Variants in BCAS3 observed in about 807,000 individuals in gnomAD.
BCAS3 encodes BCAS4/BCAS3 fusion.
In BCAS3, 53 loss-of-function variants were observed where a neutral mutation model predicts 116.1. That is an observed-to-expected ratio of 0.46 (90% CI 0.37 to 0.57). The LOEUF is 0.57. BCAS3 is among the 20% of genes least tolerant of loss of function. BCAS3 has a pLI of 0.00. For missense variants in BCAS3, 917 were observed against 1,165.4 expected (o/e 0.79, Z 3.10); for synonymous variants, 391 against 408.2 (o/e 0.96, Z 0.51).
At position 61,073,105 on chromosome 17, in the gene BCAS3, A is replaced by G. The variant is rs1186932447; in HGVS notation, c.2030-1815A>G. ...TCATTACTTATCAGCCTTTCAATGT[A>G]TATCAATTATTTCCAAAAGAATGCT... On this transcript the variant is annotated intron_variant, in intron 19 of 23. Coordinates refer to ENST00000407086, the MANE Select transcript of BCAS3 (RefSeq NM_017679.5). The surrounding 1 kb of genome is among the most constrained non-coding windows in gnomAD (Gnocchi z 4.6). 6.6e-6 allele frequency among the ~76,000 whole-genome samples: 1 copy of G among 152,202 alleles called. No individual in the cohort carries two copies. Among genetic ancestry groups the G allele is most frequent in the African/African-American group, 2.4e-5 (1 of 41,454 alleles).
intron 5 of BCAS3, among the ~76,000 whole-genome samples, chr17:60,729,791 T>G (rs945893718): frequency 6.6e-6 from 1 of 152,230 alleles, no homozygotes; most frequent in Non-Finnish European, 1.5e-5. Flanking sequence ...CACTTTTCAA[T>G]TGAACACCTA....
At chr17:60,772,365 G>T (rs9913668) in intron 6 of BCAS3, among the ~76,000 whole-genome samples, 41,107 of 151,290 alleles carry the variant, frequency 0.27, 11,202 homozygotes, top group African/African-American at 0.71. Flanking sequence ...TTTTGAGAAG[G>T]GTCTGTTCAT....
chr17:60,747,421 A>G (rs776340296), intron 6 of BCAS3, 142 bp downstream of exon 6: 32 of 630,474 alleles, frequency 5.1e-5, no homozygotes, highest in Admixed American at 7.8e-5. Context: ...CCAAAGATAA[A>G]CTTAGTTCTG....
chr17:61,218,805 G>C lies in BCAS3; in HGVS notation c.2425+134241G>C, dbSNP rs143039683. 2.6e-5 allele frequency among the ~76,000 whole-genome samples: 4 copies of C among 152,292 alleles called. No homozygotes were observed. In the East Asian group the frequency reaches 7.7e-4, roughly 29 times the overall value. ...ATTTGCCTAGGTCCCAGCTTTACTT[G>C]TACCAGTTTAATTATCATTGCCGCT... On this transcript the variant is annotated intron_variant, in intron 22 of 23. Coordinates refer to ENST00000407086, the MANE Select transcript of BCAS3 (RefSeq NM_017679.5).
Position 60,820,151 on chromosome 17 carries a change from A to G in BCAS3, c.476+12075A>G, listed in dbSNP as rs532381448. 3.3e-4 allele frequency among the ~76,000 whole-genome samples: 50 copies of G among 151,724 alleles called. No individual in the cohort carries two copies. The East Asian group carries it at 8.9e-3, about 27-fold the overall frequency. On this transcript the variant is annotated intron_variant, in intron 7 of 23. Coordinates refer to ENST00000407086, the MANE Select transcript of BCAS3 (RefSeq NM_017679.5). The stretch of plus-strand genomic sequence containing the variant: ...AGTCGCACGATCTTGGCTCACTGCA[A>G]GCTCTGCCTCCCGGGTTCATGCCAT...
rs1420103020 is a variant in BCAS3 at position 61,139,518 on chromosome 17, C to T, written c.2425+54954C>T. On this transcript the variant is annotated intron_variant, in intron 22 of 23. Coordinates refer to ENST00000407086, the MANE Select transcript of BCAS3 (RefSeq NM_017679.5). This position sits in a 1 kb window ranked among gnomAD's most constrained non-coding sequence, Gnocchi z 4.7. ...TGCGGGCTTTGTTTATAGCAGAAGC[C>T]ATAATGTATAATGTTCAGGAGTGGG... 3.3e-5 allele frequency among the ~76,000 whole-genome samples: 5 copies of T among 152,146 alleles called. No homozygotes were observed. The highest frequency in any genetic ancestry group is 2.1e-4 in the South Asian group (1 of 4,824).
Position 61,181,173 on chromosome 17 carries a change from T to G in BCAS3, c.2425+96609T>G, listed in dbSNP as rs2079459142. ...AACTCGAGGCTGCATTGAGCTGTAA[T>G]AGCACCACTGCACTCCATCCTGGGC... On this transcript the variant is annotated intron_variant, in intron 22 of 23. Transcript: ENST00000407086. This position sits in a 1 kb window ranked among gnomAD's most constrained non-coding sequence, Gnocchi z 5.0. 6.6e-6 allele frequency among the ~76,000 whole-genome samples: 1 copy of G among 152,162 alleles called. No individual in the cohort carries two copies. The highest frequency in any genetic ancestry group is 1.5e-5 in the Non-Finnish European group (1 of 68,018).
chr17:60,831,576 T>C lies in BCAS3; in HGVS notation c.476+23500T>C, dbSNP rs954138492. Among the ~76,000 whole-genome samples, 6 of 152,238 alleles carry C rather than the reference T, an allele frequency of 3.9e-5. No homozygotes were observed. In the East Asian group the frequency reaches 1.2e-3, roughly 29 times the overall value. ...TCATTTATATAATTTTATTAACATC[T>C]TGTTTACCAAACACAGTATACAACG... On this transcript the variant is annotated intron_variant, in intron 7 of 23. Transcript: ENST00000407086.
rs998706845 is a variant in BCAS3 at position 61,097,858 on chromosome 17, C to T, written c.2425+13294C>T. Among the ~76,000 whole-genome samples, 1 of 152,222 alleles carries T rather than the reference C, an allele frequency of 6.6e-6. No homozygotes were observed. Among genetic ancestry groups the T allele is most frequent in the African/African-American group, 2.4e-5 (1 of 41,462 alleles). Reference sequence around the variant, plus strand: ...ACCTCAGATAAGTCTAAACCTCTTTCTACCCTGCCTAATCAAATATTCATT... The same window carrying T: ...ACCTCAGATAAGTCTAAACCTCTTTTTACCCTGCCTAATCAAATATTCATT... On this transcript the variant is annotated intron_variant, in intron 22 of 23. Transcript: ENST00000407086. This position sits in a 1 kb window ranked among gnomAD's most constrained non-coding sequence, Gnocchi z 4.0.
At chr17:61,247,755 G>A (rs1170359753) in intron 22 of BCAS3, among the ~76,000 whole-genome samples, 1 of 152,154 alleles carries the variant, frequency 6.6e-6, no homozygotes, top group Non-Finnish European at 1.5e-5. Flanking sequence ...AGTGGCTGGA[G>A]ATCTTAGCCC....
At chr17:61,295,424 C>A (rs570594609) in intron 22 of BCAS3, among the ~76,000 whole-genome samples, 2 of 152,140 alleles carry the variant, frequency 1.3e-5, no homozygotes, top group Admixed American at 6.5e-5. Flanking sequence ...AAATGCCCAG[C>A]GTAATCCCCA....
chr17:60,937,642 A>G (rs956995546), intron 13 of BCAS3, among the ~76,000 whole-genome samples: 1 of 152,182 alleles, frequency 6.6e-6, no homozygotes, highest in African/African-American at 2.4e-5. Flanking sequence ...CTTTCCAATT[A>G]TTTTGTAGTC....
chr17:61,386,695 G>T (rs567560836), intron 23 of BCAS3, among the ~76,000 whole-genome samples: 2 of 151,804 alleles, frequency 1.3e-5, no homozygotes, highest in Non-Finnish European at 2.9e-5. Flanking sequence ...GGAGCTTTTC[G>T]CAGGGCCTTT....
Position 61,380,431 on chromosome 17 carries a change from G to T in BCAS3, c.2594-11546G>T. The T allele has an allele frequency of 1.4e-6, 2 of 1,417,212 alleles. No homozygotes were observed. Among genetic ancestry groups the T allele is most frequent in the South Asian group, 1.2e-5 (1 of 83,300 alleles). 87.8% of individuals were successfully genotyped at this position (1,417,212 alleles called of 1,614,324 possible). Reference sequence around the variant, plus strand: ...CCAGATTTGGGTATCGACTCACTTTGATCTCAGCTCTTCCTGCTCTCTTAA... The same window carrying T: ...CCAGATTTGGGTATCGACTCACTTTTATCTCAGCTCTTCCTGCTCTCTTAA... On this transcript the variant is annotated intron_variant, in intron 23 of 23. Transcript: ENST00000407086. The surrounding 1 kb of genome is among the most constrained non-coding windows in gnomAD (Gnocchi z 4.2).
At chr17:60,948,991 C>A (rs907687023) in intron 14 of BCAS3, among the ~76,000 whole-genome samples, 9 of 151,808 alleles carry the variant, frequency 5.9e-5, no homozygotes, top group African/African-American at 1.7e-4. Flanking sequence ...ATTCTCCTAC[C>A]TCAGCATCCT....
At chr17:61,298,008 T>C (rs1053337306) in intron 22 of BCAS3, among the ~76,000 whole-genome samples, 3 of 152,288 alleles carry the variant, frequency 2.0e-5, no homozygotes, top group African/African-American at 7.2e-5. Flanking sequence ...AGTAGCTTTT[T>C]GTGGGGCCTT....
intron 14 of BCAS3, among the ~76,000 whole-genome samples, chr17:60,958,053 G>A (rs1832608426): frequency 6.6e-6 from 1 of 152,224 alleles, no homozygotes; most frequent in South Asian, 2.1e-4. Flanking sequence ...GCCTATGGTT[G>A]CCCCAGTTTA....
At chr17:60,724,529 A>G (rs1160609825) in intron 5 of BCAS3, among the ~76,000 whole-genome samples, 1 of 151,714 alleles carries the variant, frequency 6.6e-6, no homozygotes, top group Non-Finnish European at 1.5e-5. Flanking sequence ...GTTCGAGACC[A>G]TCTTGGCCAA....
At chr17:60,918,569 C>A (rs1273394769) in intron 12 of BCAS3, among the ~76,000 whole-genome samples, 3 of 151,978 alleles carry the variant, frequency 2.0e-5, no homozygotes, top group East Asian at 3.9e-4. Flanking sequence ...CCCAACCTGT[C>A]TTTCTTCATT....
Sources: allele counts gnomAD v4.1 joint callset (sites outside exome capture counted in the v4.1 genomes callset), GRCh38; gene constraint gnomAD v4.1.1; non-coding constraint Gnocchi (gnomAD v3.1); transcripts MANE v1.5; gene names NCBI Gene and HGNC (gene_info 2026-07-23, HGNC 2026-07-21).